Variants in CCNH observed in about 807,000 individuals in gnomAD.
CCNH encodes cyclin H, also known as cyclin-H.
Under a neutral mutation model 41.9 loss-of-function variants are expected in CCNH, and 31 were observed. The observed-to-expected ratio is 0.74, with a 90% CI of 0.56 to 1.00. The LOEUF is 1.00. CCNH is among the 50% of genes least tolerant of loss of function. The probability of loss-of-function intolerance (pLI) is 0.00; values close to 1 mark genes in which losing one functional copy is unlikely to be tolerated. For synonymous variants in CCNH, 138 were observed against 136.1 expected (o/e 1.01, Z -0.10); for missense variants, 362 against 388.4 (o/e 0.93, Z 0.57).
At chr5:87,339,559 T>C (rs1758288542) in intron 9 of CCNH, among the ~76,000 whole-genome samples, 1 of 152,096 alleles carries the variant, frequency 6.6e-6, no homozygotes, top group Non-Finnish European at 1.5e-5. Context: ...TCTTGAGCTC[T>C]TGGAATTCTG....
intron 9 of CCNH, chr5:87,330,876 T>C: frequency 9.8e-7 from 1 of 1,024,818 alleles, no homozygotes; most frequent in Non-Finnish European, 1.3e-6. Context: ...ACAGTGTAAT[T>C]CTGTTTTCCT....
At chr5:87,374,167 G>A, downstream of CCNH, 1 of 1,480,790 alleles carries the variant, frequency 6.8e-7, no homozygotes, top group South Asian at 1.4e-5. Flanking sequence ...TTTTAGGTCA[G>A]CAGCCTTGTT....
At chr5:87,338,026 A>T (rs1758098560) in intron 9 of CCNH, 1 of 1,612,202 alleles carries the variant, frequency 6.2e-7, no homozygotes, top group East Asian at 2.2e-5. Flanking sequence ...AGATGGATGG[A>T]TGTGGGTTAC....
At chr5:87,324,671 A>G (rs531867950) in intron 9 of CCNH, among the ~76,000 whole-genome samples, 67 of 152,278 alleles carry the variant, frequency 4.4e-4, no homozygotes, top group African/African-American at 1.5e-3. Flanking sequence ...ACACATACAT[A>G]TGCACTCTAG....
chr5:87,318,173 A>T (rs987283025), downstream of CCNH, among the ~76,000 whole-genome samples: 1 of 152,184 alleles, frequency 6.6e-6, no homozygotes, highest in Admixed American at 6.5e-5. Context: ...AGCTTCTATT[A>T]TAACCCCCAC....
chr5:87,325,398 G>T (rs148894598), intron 9 of CCNH, among the ~76,000 whole-genome samples: 1 of 152,324 alleles, frequency 6.6e-6, no homozygotes, highest in African/African-American at 2.4e-5. Flanking sequence ...ATAAATATGG[G>T]AGCTTAAGAA....
In CCNH at chr5:87,376,711, A is replaced by T. The variant is rs374521288; in HGVS notation, n.470T>A. ...ATTTTAAACCTTGTTTTATACTGTA[A>T]TTTTGGTAGAAATAAGTAGACTACG... On this transcript the variant is annotated non_coding_transcript_exon_variant, in exon 1 of 1. Transcript: ENST00000607486. 5 of 1,260,566 alleles carry T rather than the reference A, an allele frequency of 4.0e-6. No homozygotes were observed. The South Asian group carries it at 5.5e-5, about 14-fold the overall frequency. 78.1% of individuals were successfully genotyped at this position (1,260,566 alleles called of 1,614,324 possible).
downstream of CCNH, among the ~76,000 whole-genome samples, chr5:87,376,011 G>T (rs1761301257): frequency 6.6e-6 from 1 of 151,988 alleles, no homozygotes; most frequent in Non-Finnish European, 1.5e-5. Flanking sequence ...CCGCTCAAGG[G>T]TTACCTGTTT....
rs764661724 is a variant in CCNH at position 87,404,871 on chromosome 5, G to A, written c.662C>T (p.Ala221Val). 3.7e-6 allele frequency: 6 copies of A among 1,613,078 alleles called. No homozygotes were observed. Among genetic ancestry groups the A allele is most frequent in the Non-Finnish European group, 4.2e-6 (5 of 1,179,564 alleles). ...QIALTAILSS[A>V]SRAGITMESY... ...TTCCATAGTAATTCCAGCCCTGGAG[G>A]CACTAGATAAAATGGCAGTCAGGGC... The change falls in exon 5 of 9, where the codon GCC becomes GTC. Residue 221 changes from alanine to valine, a missense_variant. Ala to Val is a moderately conservative substitution (Grantham distance 64, BLOSUM62 0). Coordinates refer to ENST00000256897, the MANE Select transcript of CCNH (RefSeq NM_001239.4).
exon 1 of CCNH, chr5:87,377,090 A>G (rs774973601): frequency 1.4e-5 from 22 of 1,543,642 alleles, no homozygotes; most frequent in African/African-American, 6.8e-5. Flanking sequence ...TTTAGATTTT[A>G]TATCAAGGAT....
In CCNH at chr5:87,359,874, G is replaced by A. The variant is rs1342707522; in HGVS notation, c.*90+32896C>T. Among the ~76,000 whole-genome samples the A allele has an allele frequency of 2.6e-5, 4 of 152,144 alleles. No individual in the cohort carries two copies. The East Asian group carries it at 5.8e-4, about 22-fold the overall frequency. On this transcript the variant is annotated intron_variant and NMD_transcript_variant, in intron 9 of 9. Transcript: ENST00000645953. ...GTTCCATGTTTTCATGTCTAGAAAGGTTTACGTACCTGAAATGGACAGTCT... is the reference window on the plus strand; with the variant it reads ...GTTCCATGTTTTCATGTCTAGAAAGATTTACGTACCTGAAATGGACAGTCT...
intron 9 of CCNH, chr5:87,363,515 G>C: frequency 6.2e-7 from 1 of 1,607,972 alleles, no homozygotes; most frequent in Non-Finnish European, 8.5e-7. Flanking sequence ...GTAAGAGACT[G>C]GTTTCCTATT....
At chr5:87,329,117 C>G (rs1757433497) in intron 9 of CCNH, among the ~76,000 whole-genome samples, 1 of 152,002 alleles carries the variant, frequency 6.6e-6, no homozygotes, top group Non-Finnish European at 1.5e-5. Flanking sequence ...ACTGACTTAT[C>G]CATTTTAATG....
At chr5:87,360,413 A>G (rs1759997208) in intron 9 of CCNH, among the ~76,000 whole-genome samples, 1 of 152,174 alleles carries the variant, frequency 6.6e-6, no homozygotes, top group Non-Finnish European at 1.5e-5. Context: ...CGTGAGCAAA[A>G]TGCAGTACTT....
intron 9 of CCNH, among the ~76,000 whole-genome samples, chr5:87,338,536 A>ATATATATATATATATATATTTTTT: frequency 3.5e-5 from 3 of 85,218 alleles, no homozygotes; most frequent in African/African-American, 1.3e-4. Context: ...TATATATAAA[A>ATATATATATATATATATATTTTTT]TTTTTTTTTT....
At chr5:87,311,975 A>T in the CCNH span, among the ~76,000 whole-genome samples, 1 of 152,242 alleles carries the variant, frequency 6.6e-6, no homozygotes. Context: ...CTACTGGGTT[A>T]TTAATCCTTT....
chr5:87,361,604 T>C (rs1470381857), intron 9 of CCNH, among the ~76,000 whole-genome samples: 1 of 152,190 alleles, frequency 6.6e-6, no homozygotes, highest in Non-Finnish European at 1.5e-5. Flanking sequence ...TCATTTATTC[T>C]GGAAAGATCA....
At chr5:87,375,056 C>T (rs917853906), downstream of CCNH, 15 of 1,161,004 alleles carry the variant, frequency 1.3e-5, no homozygotes, top group Non-Finnish European at 1.3e-5. Context: ...TTCTGTACTT[C>T]TTAAAGTATT....
At chr5:87,383,002 G>A (rs909361247) in intron 9 of CCNH, among the ~76,000 whole-genome samples, 42 of 151,986 alleles carry the variant, frequency 2.8e-4, no homozygotes, top group South Asian at 2.1e-4. Context: ...TGAGGCAAGA[G>A]AATTGTTTGA....
Sources: allele counts gnomAD v4.1 joint callset (sites outside exome capture counted in the v4.1 genomes callset), GRCh38; gene constraint gnomAD v4.1.1; transcripts MANE v1.5; gene names NCBI Gene and HGNC (gene_info 2026-07-23, HGNC 2026-07-21).